PVT1: variants seen among roughly 807,000 people sequenced by gnomAD.
The protein encoded by PVT1 is Pvt1 oncogene.
intron 2 of PVT1, among the ~76,000 whole-genome samples, chr8:127,804,527 GTT>G: frequency 7.0e-6 from 1 of 141,956 alleles, no homozygotes; most frequent in African/African-American, 2.7e-5. Context: ...TAGTGTATAT[GTT>G]GCATCCTGAT....
At chr8:127,807,034 G>A (rs997024582) in intron 2 of PVT1, among the ~76,000 whole-genome samples, 2 of 152,214 alleles carry the variant, frequency 1.3e-5, no homozygotes, top group African/African-American at 4.8e-5. Flanking sequence ...GTGTTGACAA[G>A]GCACAGGGTG....
At chr8:128,035,091 G>A (rs1316407931) in intron 4 of PVT1, among the ~76,000 whole-genome samples, 1 of 152,208 alleles carries the variant, frequency 6.6e-6, no homozygotes, top group East Asian at 1.9e-4. Flanking sequence ...CAAGGATCCA[G>A]TTATTTGCAG....
intron 3 of PVT1, among the ~76,000 whole-genome samples, chr8:127,956,103 C>T (rs1816565978): frequency 6.6e-6 from 1 of 152,236 alleles, no homozygotes; most frequent in South Asian, 2.1e-4. Context: ...ACATCTACAA[C>T]TATAGTATGT....
intron 2 of PVT1, among the ~76,000 whole-genome samples, chr8:127,849,466 A>C (rs1161580887): frequency 1.3e-5 from 2 of 152,186 alleles, no homozygotes; most frequent in Non-Finnish European, 2.9e-5. Context: ...AATCAGATAA[A>C]GGTAGGATCC....
chr8:127,812,990 T>C (rs565866549), intron 2 of PVT1, among the ~76,000 whole-genome samples: 2 of 152,006 alleles, frequency 1.3e-5, no homozygotes, highest in South Asian at 4.2e-4. Context: ...ACAATGATAA[T>C]ATAGCATTAA....
intron 2 of PVT1, among the ~76,000 whole-genome samples, chr8:127,822,379 C>A (rs1162983666): frequency 6.6e-6 from 1 of 152,186 alleles, no homozygotes; most frequent in African/African-American, 2.4e-5. Flanking sequence ...AAGTTCTTGA[C>A]CAGCCTGGCC....
At chr8:127,840,079 T>C (rs56245155) in intron 2 of PVT1, among the ~76,000 whole-genome samples, 4,457 of 152,210 alleles carry the variant, frequency 0.029, 217 homozygotes, top group African/African-American at 0.1. Context: ...TCCCAATGGC[T>C]GGAGAGGAGT....
chr8:127,917,873 C>G (rs549717712), intron 3 of PVT1, among the ~76,000 whole-genome samples: 2 of 152,248 alleles, frequency 1.3e-5, no homozygotes, highest in Non-Finnish European at 2.9e-5. Context: ...GGCCAGCTGC[C>G]CCTCAGAGTG....
chr8:127,824,880 G>A (rs1814769519), intron 2 of PVT1, among the ~76,000 whole-genome samples: 1 of 152,140 alleles, frequency 6.6e-6, no homozygotes, highest in South Asian at 2.1e-4. Context: ...AGCACTTTGG[G>A]AGGCCGAGGT....
In PVT1 at chr8:127,953,526, A is replaced by G. The variant is rs116526201; in HGVS notation, n.783-35636A>G. Reference sequence around the variant, plus strand: ...TTTAGTATTATAGTAACGTTTATTTAGTATTTAGTATCAGAAACCATTCTA... The same window carrying G: ...TTTAGTATTATAGTAACGTTTATTTGGTATTTAGTATCAGAAACCATTCTA... On this transcript the variant is annotated intron_variant and non_coding_transcript_variant, in intron 3 of 10. Transcript: ENST00000651587. Among the ~76,000 whole-genome samples the G allele has an allele frequency of 3.6e-3, 555 of 152,378 alleles. 5 individuals carry two copies. The highest frequency in any genetic ancestry group is 0.012 in the African/African-American group (513 of 41,586).
intron 5 of PVT1, among the ~76,000 whole-genome samples, chr8:128,087,480 G>A (rs1229864764): frequency 1.3e-5 from 2 of 152,132 alleles, no homozygotes; most frequent in African/African-American, 4.8e-5. Flanking sequence ...CCCTCCCCCA[G>A]GCTGTTATGC....
At chr8:127,811,973 G>A (rs1180250268) in intron 2 of PVT1, among the ~76,000 whole-genome samples, 1 of 151,998 alleles carries the variant, frequency 6.6e-6, no homozygotes, top group Non-Finnish European at 1.5e-5. Flanking sequence ...CAGGTGTGGC[G>A]GCTCGTGCCT....
chr8:127,935,529 G>A (rs4733581), intron 3 of PVT1, among the ~76,000 whole-genome samples: 99,629 of 151,850 alleles, frequency 0.66, 33,117 homozygotes, highest in Middle Eastern at 0.75. Context: ...GAAGTTTTAG[G>A]GAGATGAAGT....
chr8:127,842,647 G>A (rs1296568982), intron 2 of PVT1, among the ~76,000 whole-genome samples: 6 of 152,132 alleles, frequency 3.9e-5, no homozygotes, highest in Admixed American at 3.3e-4. Context: ...AGACCCAGCC[G>A]TCTTGGAGGG....
rs1471708682 is a variant in PVT1, at chr8:127,849,654, GCCC to G, written n.373-40933_373-40931del. 7.0e-3 allele frequency among the ~76,000 whole-genome samples: 1,066 copies of G among 151,210 alleles called. 29 individuals are homozygous for G. The highest frequency in any genetic ancestry group is 9.1e-3 in the Non-Finnish European group (614 of 67,842). ...ACAGCCTGTACATATGTGTGTGTGT[GCCC>G]CTGCGTGCACGTGCATGGGTGCACA... is the stretch of plus-strand genomic sequence containing the variant. On this transcript the variant is annotated intron_variant and non_coding_transcript_variant, in intron 2 of 10. Coordinates refer to ENST00000651587, the Ensembl canonical transcript of PVT1.
chr8:127,861,160 C>T (rs1815223897), intron 2 of PVT1, among the ~76,000 whole-genome samples: 1 of 152,128 alleles, frequency 6.6e-6, no homozygotes, highest in Non-Finnish European at 1.5e-5. Context: ...TTATTCCACC[C>T]AGCCACCCTT....
intron 4 of PVT1, among the ~76,000 whole-genome samples, chr8:128,011,275 G>T (rs911253382): frequency 1.3e-5 from 2 of 152,166 alleles, no homozygotes; most frequent in African/African-American, 2.4e-5. Flanking sequence ...GTGGGGGAGT[G>T]TTATGGACTG....
At chr8:128,001,125 C>G (rs1817172119) in intron 4 of PVT1, among the ~76,000 whole-genome samples, 1 of 152,218 alleles carries the variant, frequency 6.6e-6, no homozygotes. Context: ...CTGCCCCCCA[C>G]CCCACCGCCT....
At chr8:127,909,338 G>C (rs1030602241) in intron 3 of PVT1, among the ~76,000 whole-genome samples, 1 of 152,186 alleles carries the variant, frequency 6.6e-6, no homozygotes, top group Non-Finnish European at 1.5e-5. Context: ...CCCCAAATCA[G>C]GTGAAACTAC....
Sources: allele counts gnomAD v4.1 joint callset (sites outside exome capture counted in the v4.1 genomes callset), GRCh38; gene constraint gnomAD v4.1.1; transcripts MANE v1.5; gene names NCBI Gene and HGNC (gene_info 2026-07-23, HGNC 2026-07-21).